The following SAMMSON variants were observed in gnomAD, a reference collection of about 807,000 sequenced individuals.
SAMMSON encodes the protein survival associated mitochondrial melanoma specific oncogenic non-coding RNA.
intron 4 of SAMMSON, among the ~76,000 whole-genome samples, chr3:70,182,769 G>A (rs2106706361): frequency 6.6e-6 from 1 of 152,198 alleles, no homozygotes; most frequent in African/African-American, 2.4e-5. Flanking sequence ...GGCAATTGTG[G>A]CTTAGTTCCC....
At chr3:70,358,286 G>A (rs1702844673) in exon 9 of SAMMSON, 1 of 152,126 alleles carries the variant, frequency 6.6e-6, no homozygotes, top group Non-Finnish European at 1.5e-5. Flanking sequence ...GTGCTACCAT[G>A]CAGCTCTTTC....
intron 6 of SAMMSON, among the ~76,000 whole-genome samples, chr3:70,253,418 G>A (rs369855445): frequency 8.5e-5 from 13 of 152,338 alleles, no homozygotes; most frequent in African/African-American, 3.1e-4. Context: ...GAATACCAGA[G>A]CCTTGGCTGC....
chr3:70,107,156 G>A (rs73838051), intron 4 of SAMMSON, among the ~76,000 whole-genome samples: 1,921 of 152,268 alleles, frequency 0.013, 43 homozygotes, highest in African/African-American at 0.044. Flanking sequence ...AGTGATAAAA[G>A]ACACACCCAA....
intron 2 of SAMMSON, among the ~76,000 whole-genome samples, chr3:70,430,322 T>A (rs966116964): frequency 6.6e-6 from 1 of 152,204 alleles, no homozygotes; most frequent in Non-Finnish European, 1.5e-5. Context: ...GAAGCTGGCT[T>A]GATCGTGGTG....
chr3:70,039,623 AC>A (rs1266004810), intron 3 of SAMMSON, among the ~76,000 whole-genome samples: 29 of 150,476 alleles, frequency 1.9e-4, no homozygotes, highest in African/African-American at 7.0e-4. Context: ...ACACACACAC[AC>A]ACACACACAC....
chr3:70,338,206 C>G (rs528041890), intron 7 of SAMMSON, among the ~76,000 whole-genome samples: 1 of 152,114 alleles, frequency 6.6e-6, no homozygotes, highest in Non-Finnish European at 1.5e-5. Flanking sequence ...CACATGTAAA[C>G]TCTCTGATGC....
In SAMMSON at chr3:70,180,992, G is replaced by T. The variant is rs114135894; in HGVS notation, n.508-68115G>T. Among the ~76,000 whole-genome samples the T allele has an allele frequency of 3.3e-3, 498 of 152,266 alleles. 4 individuals are homozygous for T. The highest frequency in any genetic ancestry group is 0.011 in the African/African-American group (464 of 41,550). ...CTGCTTATGTTGGGGGACTAGCTGG[G>T]CTAGCCAAGGCCTTGCACGGGGTCA... On this transcript the variant is annotated intron_variant and non_coding_transcript_variant, in intron 4 of 9. Transcript: ENST00000642114.
intron 1 of SAMMSON, among the ~76,000 whole-genome samples, chr3:70,000,315 CA>C (rs779077833): frequency 1.3e-5 from 2 of 152,210 alleles, no homozygotes; most frequent in African/African-American, 2.4e-5. Context: ...GCCACACTCC[CA>C]TCACACGCCC....
intron 4 of SAMMSON, among the ~76,000 whole-genome samples, chr3:70,186,263 ATT>A (rs11318266): frequency 2.4e-3 from 349 of 144,432 alleles, no homozygotes; most frequent in Middle Eastern, 3.5e-3. Context: ...CAATAATGGG[ATT>A]TTTTTTTTTT....
intron 9 of SAMMSON, among the ~76,000 whole-genome samples, chr3:70,368,574 C>CT (rs1003358431): frequency 2.0e-5 from 3 of 151,322 alleles, no homozygotes; most frequent in African/African-American, 7.3e-5. Context: ...CTGTATCTAA[C>CT]TTTTTTTTGC....
intron 9 of SAMMSON, among the ~76,000 whole-genome samples, chr3:70,359,476 A>G (rs1702855998): frequency 6.6e-6 from 1 of 152,192 alleles, no homozygotes; most frequent in South Asian, 2.1e-4. Context: ...CTAATGTTAA[A>G]TGAGGTGGTT....
At chr3:70,247,604 A>G (rs936990901) in intron 4 of SAMMSON, among the ~76,000 whole-genome samples, 8 of 151,952 alleles carry the variant, frequency 5.3e-5, no homozygotes, top group Non-Finnish European at 1.2e-4. Context: ...TTAATATATA[A>G]CATTATATCT....
chr3:70,008,426 C>G (rs936196780), intron 1 of SAMMSON, among the ~76,000 whole-genome samples: 1 of 152,102 alleles, frequency 6.6e-6, no homozygotes, highest in South Asian at 2.1e-4. Flanking sequence ...TGGGAGTTCA[C>G]TCATGATTTG....
chr3:70,118,197 C>T (rs886943557), intron 4 of SAMMSON, among the ~76,000 whole-genome samples: 1 of 152,180 alleles, frequency 6.6e-6, no homozygotes, highest in African/African-American at 2.4e-5. Flanking sequence ...GCTGGGATTA[C>T]AGGCGTGAGC....
At chr3:70,380,710 C>T (rs1442010412) in intron 9 of SAMMSON, among the ~76,000 whole-genome samples, 2 of 150,872 alleles carry the variant, frequency 1.3e-5, no homozygotes, top group African/African-American at 4.9e-5. Context: ...TACCCCACAA[C>T]AGGCCCCAGT....
chr3:70,403,956 T>C (rs1489317474), intron 2 of SAMMSON, among the ~76,000 whole-genome samples: 1 of 152,174 alleles, frequency 6.6e-6, no homozygotes, highest in Non-Finnish European at 1.5e-5. Flanking sequence ...CTTACAAGTC[T>C]TGACAAATAG....
At chr3:70,048,910 C>T (rs1250217267) in intron 3 of SAMMSON, among the ~76,000 whole-genome samples, 1 of 152,106 alleles carries the variant, frequency 6.6e-6, no homozygotes, top group Non-Finnish European at 1.5e-5. Flanking sequence ...ACTCAGGTGT[C>T]AACCATTCTT....
At chr3:70,376,223 C>T (rs898014201) in intron 9 of SAMMSON, among the ~76,000 whole-genome samples, 1 of 152,140 alleles carries the variant, frequency 6.6e-6, no homozygotes, top group Non-Finnish European at 1.5e-5. Flanking sequence ...CATCAAAATA[C>T]GTTCTAGAGA....
At chr3:70,125,117 G>A (rs941137237) in intron 4 of SAMMSON, 30 of 1,363,018 alleles carry the variant, frequency 2.2e-5, no homozygotes, top group African/African-American at 2.9e-5. Context: ...AGCAGATCGA[G>A]CAAATTGAAC....
Sources: gnomAD v4.1 joint callset for allele counts (sites outside exome capture counted in the v4.1 genomes callset) on GRCh38, gnomAD v4.1.1 for gene constraint, MANE v1.5 for transcripts, NCBI Gene and HGNC (gene_info 2026-07-23, HGNC 2026-07-21) for gene names.